AOX1: variants seen among roughly 807,000 people sequenced by gnomAD.
The protein encoded by AOX1 is aldehyde oxidase 1.
Under a neutral mutation model 169.5 loss-of-function variants are expected in AOX1, and 153 were observed. That is an observed-to-expected ratio of 0.90 (90% confidence interval 0.79 to 1.03). The LOEUF is 1.03. Among genes scored for constraint, AOX1 ranks in the 50% least tolerant of loss-of-function variants. AOX1 has a pLI of 0.00. For missense variants in AOX1, 1,656 were observed against 1,663.9 expected (o/e 1.00, Z 0.08); for synonymous variants, 562 against 581.9 (o/e 0.97, Z 0.49).
chr2:200,587,552 A>T (rs1322949061), intron 1 of AOX1, among the ~76,000 whole-genome samples: 4 of 152,092 alleles, frequency 2.6e-5, no homozygotes, highest in Non-Finnish European at 4.4e-5. Context: ...CTTAAAGAGG[A>T]TCCCCCAAAT....
intron 26 of AOX1, among the ~76,000 whole-genome samples, chr2:200,654,467 T>C (rs1230188400): frequency 1.3e-5 from 2 of 152,222 alleles, no homozygotes; most frequent in South Asian, 2.1e-4. Flanking sequence ...GCATAAACAC[T>C]TGTATGCACT....
At chr2:200,667,424 G>A (rs940776097) in intron 32 of AOX1, among the ~76,000 whole-genome samples, 4 of 151,822 alleles carry the variant, frequency 2.6e-5, no homozygotes, top group Non-Finnish European at 5.9e-5. Flanking sequence ...TCTGATTTAG[G>A]GCACCATCTT....
intron 1 of AOX1, among the ~76,000 whole-genome samples, chr2:200,591,654 C>T (rs1038142180): frequency 7.2e-5 from 11 of 152,138 alleles, no homozygotes; most frequent in African/African-American, 2.4e-4. Context: ...GATTCCATAG[C>T]GGTTTCATTT....
At chr2:200,649,856 C>T (rs112041028) in intron 25 of AOX1, among the ~76,000 whole-genome samples, 6 of 152,180 alleles carry the variant, frequency 3.9e-5, no homozygotes, top group East Asian at 1.9e-4. Context: ...TGACTTCTCC[C>T]GGCAAGCTCA....
At chr2:200,604,423 A>G (rs1354307969) in intron 8 of AOX1, among the ~76,000 whole-genome samples, 1 of 152,230 alleles carries the variant, frequency 6.6e-6, no homozygotes, top group East Asian at 1.9e-4. Context: ...AACAAGATTC[A>G]GCATGTTACT....
chr2:200,651,106 G>A lies in AOX1; in HGVS notation c.2980G>A (p.Glu994Lys), dbSNP rs756087291. 4 of 1,614,222 alleles carry A rather than the reference G, an allele frequency of 2.5e-6. No individual in the cohort carries two copies. The highest frequency in any genetic ancestry group is 2.5e-6 in the Non-Finnish European group (3 of 1,180,028). Residue 994 changes from glutamate (E) to lysine (K), a missense_variant, in exon 26 of 35, where the codon GAA becomes AAA. By Grantham distance (56) the Glu-to-Lys change is moderately conservative. Coordinates refer to ENST00000374700, the MANE Select transcript of AOX1 (RefSeq NM_001159.4). ...CTACTCCTTGAGGAAAGTTGCTGTGGAAAAGTTCAATGCAGAGAATTATTG... is the reference window on the plus strand; with the variant it reads ...CTACTCCTTGAGGAAAGTTGCTGTGAAAAAGTTCAATGCAGAGAATTATTG... ...SSYSLRKVAV[E>K]KFNAENYWKK...
intron 28 of AOX1, among the ~76,000 whole-genome samples, chr2:200,659,786 T>TCTCACACACACACACACA (rs373271043): frequency 2.1e-5 from 2 of 96,104 alleles, no homozygotes; most frequent in African/African-American, 7.5e-5. Flanking sequence ...GTTCTCTCTC[T>TCTCACACACACACACACA]CACACACACA....
In AOX1 at chr2:200,676,877, G is replaced by C. The variant is rs569102146; in HGVS notation, c.487-1G>C. On this transcript the variant is annotated splice_acceptor_variant, in intron 4 of 4. Transcript: ENST00000439380. LOFTEE classifies it high-confidence loss of function. ...TTCATCCACTATTCATCCTCTTCCA[G>C]GGAGCACATGGCAAGCCTGTCAGGC... 1.5e-5 allele frequency: 7 copies of C among 470,044 alleles called. No individual in the cohort carries two copies. In the East Asian group the frequency reaches 4.9e-4, roughly 33 times the overall value. 29.1% of individuals were successfully genotyped at this position (470,044 alleles called of 1,614,324 possible).
downstream of AOX1, among the ~76,000 whole-genome samples, chr2:200,680,743 G>A (rs2002328): frequency 0.38 from 58,300 of 151,782 alleles, 11,334 homozygotes; most frequent in East Asian, 0.55. Flanking sequence ...ATGGGGTTTC[G>A]CCATGTTAGC....
chr2:200,673,188 C>T (rs973851074), downstream of AOX1, among the ~76,000 whole-genome samples: 1 of 152,174 alleles, frequency 6.6e-6, no homozygotes, highest in Non-Finnish European at 1.5e-5. Context: ...TCGAGACAGC[C>T]ATGGGCCCTC....
Position 200,604,066 on chromosome 2 carries a change from C to T in AOX1, c.638C>T (p.Thr213Ile), listed in dbSNP as rs1347598758. 1 of 1,613,198 alleles carries T rather than the reference C, an allele frequency of 6.2e-7. No individual in the cohort carries two copies. Among genetic ancestry groups the T allele is most frequent in the African/African-American group, 1.3e-5 (1 of 75,024 alleles). The stretch of plus-strand genomic sequence containing the variant: ...GAGGAGTTTCTGCCATTGGATCCAA[C>T]CCAGGAACTGATATTTCCTCCTGAG... Reference protein sequence around the residue: ...AEEEFLPLDPTQELIFPPELM... With the variant: ...AEEEFLPLDPIQELIFPPELM... The change falls in exon 8 of 35, where the codon ACC (threonine) becomes ATC (isoleucine). Residue 213 changes from threonine (T) to isoleucine (I), a missense_variant. By Grantham distance (89) the Thr-to-Ile change is moderately conservative. Transcript: ENST00000374700.
At chr2:200,654,907 G>C (rs1286967160) in intron 26 of AOX1, among the ~76,000 whole-genome samples, 4 of 152,180 alleles carry the variant, frequency 2.6e-5, no homozygotes, top group African/African-American at 9.7e-5. Flanking sequence ...AATGGCCCAA[G>C]GAGATTGCAG....
chr2:200,658,141 G>C (rs925365979), intron 27 of AOX1, among the ~76,000 whole-genome samples: 1 of 152,172 alleles, frequency 6.6e-6, no homozygotes, highest in Non-Finnish European at 1.5e-5. Context: ...AGACTTCTGG[G>C]AATAGAATTA....
intron 22 of AOX1, 68 bp downstream of exon 22, chr2:200,637,112 G>A: frequency 6.3e-7 from 1 of 1,587,200 alleles, no homozygotes; most frequent in South Asian, 1.1e-5. Flanking sequence ...CAGAATCAAT[G>A]AGGAAGAACC....
At chr2:200,646,500 G>A (rs1341145909) in intron 25 of AOX1, among the ~76,000 whole-genome samples, 1 of 152,152 alleles carries the variant, frequency 6.6e-6, no homozygotes, top group Non-Finnish European at 1.5e-5. Context: ...CTTGGAGAAA[G>A]TTCCATGTGC....
chr2:200,668,731 T>C lies in AOX1; in HGVS notation c.3726T>C (p.Cys1242=). 6.2e-7 allele frequency: 1 copy of C among 1,614,224 alleles called. No individual in the cohort carries two copies. Among genetic ancestry groups the C allele is most frequent in the South Asian group, 1.1e-5 (1 of 91,088 alleles). ...ACCAATATAAAATCCCTGCCATCTG[T>C]GACATGCCCACGGAGTTGCACATTG... The part of the protein sequence containing the change: ...GPDQYKIPAI[C]DMPTELHIAL... Residue 1242 remains cysteine (C), a synonymous_variant, in exon 33 of 35, where the codon TGT becomes TGC. Transcript: ENST00000374700.
chr2:200,678,725 T>TAAAAAAA (rs60396347), downstream of AOX1: 1 of 140,696 alleles, frequency 7.1e-6, no homozygotes. Flanking sequence ...CAAAGCAAAT[T>TAAAAAAA]AAAAAAAAAA....
At chr2:200,668,841 T>C in intron 33 of AOX1, 38 bp downstream of exon 33, 1 of 1,563,298 alleles carries the variant, frequency 6.4e-7, no homozygotes, top group Non-Finnish European at 8.8e-7. Context: ...CATGTTTATA[T>C]GATACCTGTT....
At chr2:200,626,735 G>A (rs888877551) in intron 19 of AOX1, among the ~76,000 whole-genome samples, 3 of 152,192 alleles carry the variant, frequency 2.0e-5, no homozygotes, top group Admixed American at 1.3e-4. Flanking sequence ...CCACAAAGAA[G>A]GAATATGGGG....
Sources: gnomAD v4.1 joint callset for allele counts (sites outside exome capture counted in the v4.1 genomes callset) on GRCh38, gnomAD v4.1.1 for gene constraint, MANE v1.5 for transcripts, NCBI Gene and HGNC (gene_info 2026-07-23, HGNC 2026-07-21) for gene names.